The following NXPE2 variants were observed in gnomAD, a reference collection of about 807,000 sequenced individuals.
NXPE2 encodes NXPE family member 2.
Under a neutral mutation model 34.4 loss-of-function variants are expected in NXPE2, and 34 were observed. The observed-to-expected ratio is 0.99, with a 90% CI of 0.75 to 1.31. NXPE2 has a LOEUF of 1.31. Among genes scored for constraint, NXPE2 ranks in the 40% most tolerant of loss-of-function variants. The probability of loss-of-function intolerance (pLI) is 0.00; values close to 1 mark genes in which losing one functional copy is unlikely to be tolerated. For synonymous variants in NXPE2, 235 were observed against 231.3 expected, an observed-to-expected ratio of 1.02 and a Z score of -0.15; for missense variants, 649 against 672.5, an observed-to-expected ratio of 0.97 and a Z score of 0.39.
chr11:114,773,273 A>ACCCCCCCCCCCCCCCCCC, the NXPE2 span, among the ~76,000 whole-genome samples: 2 of 37,276 alleles, frequency 5.4e-5, no homozygotes, highest in African/African-American at 8.5e-5. Context: ...TACACAACCC[A>ACCCCCCCCCCCCCCCCCC]CTCCCACCCC....
At chr11:114,591,672 G>C in the NXPE2 span, among the ~76,000 whole-genome samples, 1 of 152,072 alleles carries the variant, frequency 6.6e-6, no homozygotes, top group Non-Finnish European at 1.5e-5. Context: ...GTACTTTCCA[G>C]CCTCCAGCCA....
At chr11:114,782,763 C>T in the NXPE2 span, among the ~76,000 whole-genome samples, 1 of 152,134 alleles carries the variant, frequency 6.6e-6, no homozygotes, top group Non-Finnish European at 1.5e-5. Flanking sequence ...TTCTTGAATC[C>T]AACACCTGAT....
chr11:114,678,128 C>A (rs192644038), upstream of NXPE2, among the ~76,000 whole-genome samples: 4 of 152,192 alleles, frequency 2.6e-5, no homozygotes, highest in East Asian at 7.7e-4. Flanking sequence ...CCAGCTGAAT[C>A]AATTCTCAGG....
At chr11:114,611,898 C>T in the NXPE2 span, among the ~76,000 whole-genome samples, 2 of 151,678 alleles carry the variant, frequency 1.3e-5, no homozygotes, top group East Asian at 1.9e-4. Context: ...TGGGTAAACA[C>T]CATTACCTGC....
At chr11:114,670,711 G>A in the NXPE2 span, among the ~76,000 whole-genome samples, 1 of 151,724 alleles carries the variant, frequency 6.6e-6, no homozygotes, top group Non-Finnish European at 1.5e-5. Flanking sequence ...ATAAATAAAA[G>A]TAAAACAAGC....
At chr11:114,810,641 C>A in the NXPE2 span, among the ~76,000 whole-genome samples, 1 of 151,838 alleles carries the variant, frequency 6.6e-6, no homozygotes, top group African/African-American at 2.4e-5. Flanking sequence ...CAATGAGATA[C>A]CATCTCACAC....
chr11:114,695,283 G>T (rs1372219369), intron 2 of NXPE2, among the ~76,000 whole-genome samples: 3 of 152,164 alleles, frequency 2.0e-5, no homozygotes, highest in Admixed American at 6.5e-5. Flanking sequence ...TGAGTTGGTT[G>T]TAAGATGTGC....
At chr11:114,775,584 A>G in the NXPE2 span, among the ~76,000 whole-genome samples, 1 of 152,222 alleles carries the variant, frequency 6.6e-6, no homozygotes, top group Non-Finnish European at 1.5e-5. Context: ...AGAAAGGTGA[A>G]TAGCGCCTGG....
chr11:114,533,243 G>A, the NXPE2 span, among the ~76,000 whole-genome samples: 56 of 152,184 alleles, frequency 3.7e-4, no homozygotes, highest in African/African-American at 1.1e-3. Context: ...GCAAGAAGCC[G>A]AATACAAAAC....
chr11:114,476,579 G>T, the NXPE2 span, among the ~76,000 whole-genome samples: 1 of 152,168 alleles, frequency 6.6e-6, no homozygotes, highest in African/African-American at 2.4e-5. Context: ...TAAGCCTCAG[G>T]AAACTTACAG....
chr11:114,612,474 G>A, the NXPE2 span, among the ~76,000 whole-genome samples: 1 of 150,562 alleles, frequency 6.6e-6, no homozygotes, highest in Non-Finnish European at 1.5e-5. Flanking sequence ...GTTGCCTCAT[G>A]GGAAACCACT....
At chr11:114,790,175 AG>A in the NXPE2 span, among the ~76,000 whole-genome samples, 1 of 152,208 alleles carries the variant, frequency 6.6e-6, no homozygotes, top group Non-Finnish European at 1.5e-5. Flanking sequence ...AGGGCCTAAT[AG>A]GGCTCAGCTA....
the NXPE2 span, among the ~76,000 whole-genome samples, chr11:114,488,978 GAA>G: frequency 6.6e-6 from 1 of 151,952 alleles, no homozygotes; most frequent in African/African-American, 2.4e-5. Flanking sequence ...TAATAAAGAA[GAA>G]AAGAGAGAAG....
chr11:114,599,580 T>A, the NXPE2 span, among the ~76,000 whole-genome samples: 2 of 152,182 alleles, frequency 1.3e-5, no homozygotes, highest in African/African-American at 4.8e-5. Context: ...TGGCTTATGG[T>A]TCCACAGGCT....
chr11:114,698,652 A>G lies in NXPE2; in HGVS notation c.740A>G (p.Asp247Gly). The G allele has an allele frequency of 1.2e-6, 2 of 1,614,198 alleles. No individual in the cohort carries two copies. Among genetic ancestry groups the G allele is most frequent in the Middle Eastern group, 3.3e-4 (2 of 6,062 alleles). ...TNAELCQYMD[D>G]RDQEAFYCVR... ...GCTGAACTGTGCCAGTACATGGATG[A>G]CAGAGACCAAGAAGCCTTCTACTGT... Residue 247 changes from aspartate (D) to glycine (G), a missense_variant, in exon 3 of 6, where the codon GAC becomes GGC. Coordinates refer to ENST00000389586, the MANE Select transcript of NXPE2 (RefSeq NM_182495.6).
chr11:114,585,264 T>C, the NXPE2 span, among the ~76,000 whole-genome samples: 9 of 151,926 alleles, frequency 5.9e-5, no homozygotes, highest in East Asian at 2.0e-4. Context: ...TTTGAGATAC[T>C]ATTTTTATTT....
At chr11:114,510,382 C>T in the NXPE2 span, among the ~76,000 whole-genome samples, 7 of 152,140 alleles carry the variant, frequency 4.6e-5, no homozygotes, top group Non-Finnish European at 7.4e-5. Flanking sequence ...TACAGGTGCA[C>T]ACCACCATGC....
chr11:114,807,981 A>G, the NXPE2 span, among the ~76,000 whole-genome samples: 2 of 152,242 alleles, frequency 1.3e-5, no homozygotes, highest in Admixed American at 6.5e-5. Context: ...AACAGAAATT[A>G]TAACAAACTG....
At chr11:114,590,248 A>C in the NXPE2 span, among the ~76,000 whole-genome samples, 1 of 152,132 alleles carries the variant, frequency 6.6e-6, no homozygotes, top group Admixed American at 6.6e-5. Context: ...ACTCTTTTTA[A>C]TTTCTTAGCT....
Sources: allele counts gnomAD v4.1 joint callset (sites outside exome capture counted in the v4.1 genomes callset), GRCh38; gene constraint gnomAD v4.1.1; transcripts MANE v1.5; gene names NCBI Gene and HGNC (gene_info 2026-07-23, HGNC 2026-07-21).